Variants in PCDHA7 observed in about 807,000 individuals in gnomAD.
PCDHA7 encodes the protein protocadherin alpha-7.
Under a neutral mutation model 57.2 loss-of-function variants are expected in PCDHA7, and 37 were observed. The ratio of observed to expected loss-of-function variants is 0.65; its 90% CI spans 0.50 to 0.85. PCDHA7 has a LOEUF of 0.85. Ranked by LOEUF, PCDHA7 falls within the 40% of genes least tolerant of loss-of-function variation. PCDHA7 has a pLI of 0.00. For missense variants in PCDHA7, 1,188 were observed against 1,241.8 expected (o/e 0.96, Z 0.65); for synonymous variants, 553 against 558.8 (o/e 0.99, Z 0.15).
chr5:140,862,944 T>C (rs1554157274), intron 1 of PCDHA7: 3 of 542,156 alleles, frequency 5.5e-6, no homozygotes, highest in Admixed American at 3.9e-5. Flanking sequence ...GTGAGTGAGC[T>C]GGTGCGGTAT....
intron 1 of PCDHA7, among the ~76,000 whole-genome samples, chr5:140,886,245 A>G (rs1241977297): frequency 6.6e-6 from 1 of 152,046 alleles, no homozygotes; most frequent in Non-Finnish European, 1.5e-5. Context: ...GAAATAAATA[A>G]AAGTATCTCT....
At chr5:140,877,156 G>C (rs1471783281) in intron 1 of PCDHA7, 1 of 1,613,810 alleles carries the variant, frequency 6.2e-7, no homozygotes, top group Non-Finnish European at 8.5e-7. Flanking sequence ...GAACGACAAC[G>C]CGCCGGCACT....
intron 3 of PCDHA7, among the ~76,000 whole-genome samples, chr5:140,992,017 CTG>C (rs10602499): frequency 0.14 from 19,772 of 145,244 alleles, 1,405 homozygotes; most frequent in African/African-American, 0.18. Flanking sequence ...AGAGGTGGCT[CTG>C]TGTGTGTGTG....
chr5:140,876,481 C>G, intron 1 of PCDHA7: 1 of 1,613,996 alleles, frequency 6.2e-7, no homozygotes, highest in Non-Finnish European at 8.5e-7. Context: ...CAGCATGGTC[C>G]TGGTGGAAGT....
intron 1 of PCDHA7, among the ~76,000 whole-genome samples, chr5:140,976,227 T>C (rs2096706900): frequency 6.6e-6 from 1 of 152,050 alleles, no homozygotes; most frequent in East Asian, 1.9e-4. Context: ...AGAAGAAAAA[T>C]ATATGTCATT....
chr5:140,966,934 G>A (rs782780798), intron 1 of PCDHA7: 6 of 1,604,080 alleles, frequency 3.7e-6, no homozygotes, highest in South Asian at 2.2e-5. Flanking sequence ...CACCCGGCGC[G>A]CTCGTGGGCA....
Position 140,982,498 on chromosome 5 carries a change from G to A in PCDHA7, c.2438G>A (p.Gly813Asp), listed in dbSNP as rs782347331. The change falls in exon 3 of 4, where the codon GGC becomes GAC. Residue 813 changes from glycine to aspartate, a missense_variant. By Grantham distance (94) the Gly-to-Asp change is moderately conservative. Transcript: ENST00000525929. ...AGCTCTGTGCACCTAGAGGAGGCTG[G>A]CATTCTACGGGCTGGTCCAGGAGGG... Reference protein sequence around the residue: ...MHSSVHLEEAGILRAGPGGPD... With the variant: ...MHSSVHLEEADILRAGPGGPD... 6 of 1,614,062 alleles carry A rather than the reference G, an allele frequency of 3.7e-6. No homozygotes were observed. The Admixed American group carries it at 5.0e-5, about 13-fold the overall frequency.
Position 140,836,540 on chromosome 5 carries a change from G to T in PCDHA7, c.2157G>T (p.Thr719=), listed in dbSNP as rs2150263388. 1 of 1,613,776 alleles carries T rather than the reference G, an allele frequency of 6.2e-7. No individual in the cohort carries two copies. Among genetic ancestry groups the T allele is most frequent in the East Asian group, 2.2e-5 (1 of 44,848 alleles). ...TGGTGCTTACCCTGCTGCTGTACAC[G>T]GCGTTGCGGTGCTCAGCGCCGTCCT... is the stretch of plus-strand genomic sequence containing the variant. ...SLLVLTLLLY[T]ALRCSAPSSE... The change falls in exon 1 of 4, where the codon ACG becomes ACT. Residue 719 remains threonine, a synonymous_variant. Transcript: ENST00000525929.
chr5:140,839,214 T>TG (rs2150295462), intron 1 of PCDHA7, among the ~76,000 whole-genome samples: 88,381 of 151,600 alleles, frequency 0.58, 26,863 homozygotes, highest in African/African-American at 0.73. Context: ...CCTTCAAAGA[T>TG]GTAACTGTAA....
chr5:140,980,635 A>AT (rs1224584187), intron 2 of PCDHA7, among the ~76,000 whole-genome samples: 1 of 152,232 alleles, frequency 6.6e-6, no homozygotes, highest in Non-Finnish European at 1.5e-5. Context: ...TCTCAGAAGA[A>AT]TAAATAAATG....
At chr5:140,838,065 T>TTA (rs144773480) in intron 1 of PCDHA7, among the ~76,000 whole-genome samples, 9 of 113,460 alleles carry the variant, frequency 7.9e-5, no homozygotes, top group Non-Finnish European at 1.3e-4. Context: ...CCACTTTAAG[T>TTA]TATATATATA....
At chr5:140,941,563 C>T (rs2093116700) in intron 1 of PCDHA7, among the ~76,000 whole-genome samples, 1 of 151,946 alleles carries the variant, frequency 6.6e-6, no homozygotes, top group Admixed American at 6.6e-5. Context: ...GATCCATTCG[C>T]CTCAGCCTCC....
At chr5:140,929,213 A>G (rs199608631) in intron 1 of PCDHA7, 6 of 1,613,934 alleles carry the variant, frequency 3.7e-6, no homozygotes, top group Admixed American at 1.7e-5. Context: ...TTGCGTGGGG[A>G]GTACAATGCT....
At chr5:140,857,294 A>G in intron 1 of PCDHA7, 2 of 1,598,576 alleles carry the variant, frequency 1.3e-6, no homozygotes, top group Non-Finnish European at 1.7e-6. Context: ...GGACCGCGAG[A>G]GGGTGTCGGC....
chr5:140,902,859 A>G (rs964505072), intron 1 of PCDHA7, among the ~76,000 whole-genome samples: 18 of 152,208 alleles, frequency 1.2e-4, no homozygotes, highest in African/African-American at 4.3e-4. Context: ...AATGGCGTCC[A>G]GGTCCACCCA....
intron 1 of PCDHA7, among the ~76,000 whole-genome samples, chr5:140,973,451 G>A (rs1317548382): frequency 2.0e-5 from 3 of 152,172 alleles, no homozygotes; most frequent in African/African-American, 7.2e-5. Context: ...TATAATGACT[G>A]GGGCTGTTTT....
intron 1 of PCDHA7, among the ~76,000 whole-genome samples, chr5:140,941,249 TTCTTTC>T (rs1367740560): frequency 3.0e-4 from 42 of 138,342 alleles, no homozygotes; most frequent in South Asian, 7.1e-4. Context: ...CTTTCTTTCT[TTCTTTC>T]TCTTTCTTTC....
At position 140,887,996 on chromosome 5, in the gene PCDHA7, AAT is replaced by A. The variant is rs1258672316; in HGVS notation, c.2355+51260_2355+51261del. 4.6e-5 allele frequency among the ~76,000 whole-genome samples: 7 copies of A among 152,330 alleles called. No individual in the cohort carries two copies. In the East Asian group the frequency reaches 7.7e-4, roughly 17 times the overall value. ...AAATTTATTTTACATGTCTCCACCGAATAGTCATCTTTTTATCTATATGTTTG... is the reference window on the plus strand; with the variant it reads ...AAATTTATTTTACATGTCTCCACCGAAGTCATCTTTTTATCTATATGTTTG... On this transcript the variant is annotated intron_variant, in intron 1 of 3. Coordinates refer to ENST00000525929, the MANE Select transcript of PCDHA7 (RefSeq NM_018910.3).
At chr5:140,997,456 C>T (rs2097770717) in intron 3 of PCDHA7, among the ~76,000 whole-genome samples, 1 of 152,146 alleles carries the variant, frequency 6.6e-6, no homozygotes, top group African/African-American at 2.4e-5. Context: ...ATACTGAATA[C>T]TGTAGGCAAT....
Sources: allele counts gnomAD v4.1 joint callset (sites outside exome capture counted in the v4.1 genomes callset), GRCh38; gene constraint gnomAD v4.1.1; transcripts MANE v1.5; gene names NCBI Gene and HGNC (gene_info 2026-07-23, HGNC 2026-07-21).